PCDH11X: variants seen among roughly 807,000 people sequenced by gnomAD.
The protein encoded by PCDH11X is protocadherin 11 X-linked.
In PCDH11X, 18 loss-of-function variants were observed where a neutral mutation model predicts 53.3. The observed-to-expected ratio is 0.34, with a 90% CI of 0.23 to 0.50. PCDH11X has a LOEUF of 0.50. Among genes scored for constraint, PCDH11X ranks in the 20% least tolerant of loss-of-function variants. The pLI is 0.98. For missense variants in PCDH11X, 570 were observed against 1,032.4 expected (o/e 0.55, Z 6.14); for synonymous variants, 279 against 393.3 (o/e 0.71, Z 3.44).
At chrX:92,141,205 G>T (rs2065173599) in intron 6 of PCDH11X, among the ~76,000 whole-genome samples, 1 of 111,271 alleles carries the variant, frequency 9.0e-6, no homozygotes. Flanking sequence ...TGGCATGCAG[G>T]ATTTTATTGG....
intron 8 of PCDH11X, among the ~76,000 whole-genome samples, chrX:92,293,828 G>GA (rs11372725): frequency 0.21 from 21,996 of 106,023 alleles, 3,985 homozygotes; most frequent in East Asian, 0.73. Context: ...AAAACCTGAC[G>GA]ACTGTCATAG....
intron 8 of PCDH11X, among the ~76,000 whole-genome samples, chrX:92,332,724 C>CAGCAGCAGCAGCAGCAGCAAT (rs968319351): frequency 1.8e-5 from 2 of 110,918 alleles, no homozygotes; most frequent in Non-Finnish European, 3.8e-5. Flanking sequence ...ACTAAAACAG[C>CAGCAGCAGCAGCAGCAGCAAT]AGCAGCAGCA....
intron 4 of PCDH11X, among the ~76,000 whole-genome samples, chrX:91,823,527 G>A (rs1476385071): frequency 2.7e-5 from 3 of 110,830 alleles, no homozygotes; most frequent in Non-Finnish European, 5.7e-5. Context: ...CATTTGCTTG[G>A]TAGATCTTCC....
chrX:92,462,715 G>A (rs1603336408), intron 9 of PCDH11X, among the ~76,000 whole-genome samples: 1 of 107,904 alleles, frequency 9.3e-6, no homozygotes, highest in African/African-American at 3.4e-5. Context: ...AACTTTCAAT[G>A]GACCATGAAA....
chrX:91,992,362 G>A (rs1241002351), intron 6 of PCDH11X, among the ~76,000 whole-genome samples: 2 of 105,445 alleles, frequency 1.9e-5, no homozygotes, highest in Admixed American at 1.0e-4. Context: ...TTTGGAAGGG[G>A]CCAAACGCCT....
intron 6 of PCDH11X, among the ~76,000 whole-genome samples, chrX:92,047,518 T>G (rs1223016643): frequency 2.0e-5 from 2 of 102,401 alleles, no homozygotes; most frequent in Admixed American, 2.2e-4. Flanking sequence ...TAGCTATATT[T>G]AAACTTTAGG....
chrX:92,446,625 T>C (rs1042783324), intron 9 of PCDH11X, among the ~76,000 whole-genome samples: 1 of 111,876 alleles, frequency 8.9e-6, no homozygotes, highest in Non-Finnish European at 1.9e-5. Context: ...CATGTGGAAC[T>C]GTAAGTCCAT....
intron 8 of PCDH11X, among the ~76,000 whole-genome samples, chrX:92,293,825 G>A (rs2068551035): frequency 1.1e-5 from 1 of 94,035 alleles, no homozygotes; most frequent in Non-Finnish European, 1.9e-5. Context: ...AGGAAAACCT[G>A]ACGACTGTCA....
chrX:92,375,142 T>TCATTTATATATATA (rs1283320229), intron 8 of PCDH11X, among the ~76,000 whole-genome samples: 1 of 12,977 alleles, frequency 7.7e-5, no homozygotes, highest in East Asian at 1.5e-3. Flanking sequence ...TTCCATTCAT[T>TCATTTATATATATA]TATATATATA....
intron 8 of PCDH11X, among the ~76,000 whole-genome samples, chrX:92,274,474 T>A (rs748100940): frequency 6.3e-5 from 7 of 110,853 alleles, no homozygotes; most frequent in East Asian, 2.9e-4. Context: ...ATGACTGCGG[T>A]GGCCTTCTCA....
chrX:91,884,651 G>A (rs1206250467), intron 6 of PCDH11X, among the ~76,000 whole-genome samples: 1 of 110,881 alleles, frequency 9.0e-6, no homozygotes, highest in Non-Finnish European at 1.9e-5. Context: ...ATATTTTATT[G>A]AGGAAAGAAT....
chrX:92,069,718 G>A (rs1159734907), intron 6 of PCDH11X, among the ~76,000 whole-genome samples: 1 of 111,252 alleles, frequency 9.0e-6, no homozygotes, highest in East Asian at 2.8e-4. Flanking sequence ...GTCTCGCTCT[G>A]TCACCCAGGC....
At chrX:91,952,677 C>A (rs2061656494) in intron 6 of PCDH11X, among the ~76,000 whole-genome samples, 1 of 111,500 alleles carries the variant, frequency 9.0e-6, no homozygotes, top group Non-Finnish European at 1.9e-5. Context: ...ATCCAGCAAT[C>A]CCACTCCTGG....
chrX:91,800,666 G>A (rs761134364), intron 1 of PCDH11X, among the ~76,000 whole-genome samples: 5 of 111,511 alleles, frequency 4.5e-5, no homozygotes, highest in African/African-American at 1.6e-4. Flanking sequence ...CCATTTAGCA[G>A]GTGAGGTAGC....
At position 92,008,512 on chromosome X, in the gene PCDH11X, G is replaced by A. The variant is rs1214119039; in HGVS notation, c.3033+129239G>A. 2.7e-5 allele frequency among the ~76,000 whole-genome samples: 3 copies of A among 111,115 alleles called. No individual in the cohort carries two copies. In the South Asian group the frequency reaches 1.1e-3, roughly 42 times the overall value. On this transcript the variant is annotated intron_variant, in intron 6 of 10. Transcript: ENST00000682573. ...GAAGCTCTCTGCACCATGCCGAGGT[G>A]GGGGAGTGGTAGCATCGGTAATTCT... is the stretch of plus-strand genomic sequence containing the variant.
At chrX:92,225,931 A>G (rs2066962524) in intron 7 of PCDH11X, among the ~76,000 whole-genome samples, 1 of 111,875 alleles carries the variant, frequency 8.9e-6, no homozygotes, top group South Asian at 3.7e-4. Context: ...CATCCTTAGA[A>G]TTTTTATTTT....
intron 6 of PCDH11X, chrX:91,884,064 G>A (rs1940072570): frequency 2.0e-5 from 3 of 152,615 alleles, no homozygotes; most frequent in Non-Finnish European, 2.1e-5. Flanking sequence ...GGTAATGGGC[G>A]CCTGTAATCC....
intron 10 of PCDH11X, among the ~76,000 whole-genome samples, chrX:92,612,889 T>C (rs894902987): frequency 1.4e-4 from 16 of 110,451 alleles, no homozygotes; most frequent in African/African-American, 2.0e-4. Flanking sequence ...TTTTTTGTTG[T>C]TATTGCTTTA....
intron 6 of PCDH11X, among the ~76,000 whole-genome samples, chrX:92,103,021 T>A (rs2064294586): frequency 9.1e-6 from 1 of 110,089 alleles, no homozygotes; most frequent in African/African-American, 3.3e-5. Context: ...TGATTAGGTT[T>A]TAATGGGATG....
Sources: gnomAD v4.1 joint callset for allele counts (sites outside exome capture counted in the v4.1 genomes callset) on GRCh38, gnomAD v4.1.1 for gene constraint, MANE v1.5 for transcripts, NCBI Gene and HGNC (gene_info 2026-07-23, HGNC 2026-07-21) for gene names.